The following VCAN variants were observed in gnomAD, a reference collection of about 807,000 sequenced individuals.
VCAN encodes the protein versican.
A neutral mutation model predicts 245.5 loss-of-function variants in VCAN; 44 were observed. The observed-to-expected ratio is 0.18, with a 90% CI of 0.14 to 0.23. VCAN has a LOEUF of 0.23. Among genes scored for constraint, VCAN ranks in the 10% least tolerant of loss-of-function variants. VCAN has a pLI of 1.00. For synonymous variants in VCAN, 1,413 were observed against 1,437.0 expected, an observed-to-expected ratio of 0.98 and a Z score of 0.38; for missense variants, 3,793 against 4,057.9, an observed-to-expected ratio of 0.93 and a Z score of 1.77.
In VCAN at chr5:83,539,547, A is replaced by C. The variant is rs1221194486; in HGVS notation, c.6544A>C (p.Thr2182Pro). The stretch of plus-strand genomic sequence containing the variant: ...AGACACTTCTTTAGTTAACATGTCT[A>C]CTCCAGATCCAGATGCAAATGGCTT... ...EEDTSLVNMS[T>P]PDPDANGLES... The change falls in exon 8 of 15, where the codon ACT becomes CCT. Residue 2182 changes from threonine (T) to proline (P), a missense_variant. Transcript: ENST00000265077. The C allele has an allele frequency of 1.2e-6, 2 of 1,613,912 alleles. No homozygotes were observed. Among genetic ancestry groups the C allele is most frequent in the Non-Finnish European group, 1.7e-6 (2 of 1,179,996 alleles).
chr5:83,543,235 A>G (rs1747072446), intron 8 of VCAN, among the ~76,000 whole-genome samples: 1 of 152,224 alleles, frequency 6.6e-6, no homozygotes, highest in Non-Finnish European at 1.5e-5. Flanking sequence ...GAGAATGTTA[A>G]GAAATCAGCT....
intron 1 of VCAN, among the ~76,000 whole-genome samples, chr5:83,481,324 G>A (rs1381297534): frequency 4.1e-5 from 6 of 147,354 alleles, no homozygotes; most frequent in South Asian, 2.1e-4. Context: ...TCCACCTCCC[G>A]GGTTCATGCC....
intron 5 of VCAN, among the ~76,000 whole-genome samples, chr5:83,506,033 G>A (rs1429777147): frequency 6.6e-6 from 1 of 152,198 alleles, no homozygotes; most frequent in Admixed American, 6.5e-5. Flanking sequence ...ACAGCACGGG[G>A]ACCCTGGGCC....
In VCAN at chr5:83,553,489, A is replaced by G. The variant is rs763005838; in HGVS notation, c.9619A>G (p.Ile3207Val). 64 of 1,614,008 alleles carry G rather than the reference A, an allele frequency of 4.0e-5. No individual in the cohort carries two copies. Among genetic ancestry groups the G allele is most frequent in the Non-Finnish European group, 5.3e-5 (62 of 1,179,986 alleles). ...CRLQGAHLTSILSHEEQMFVN... is the reference protein window; with the variant it reads ...CRLQGAHLTSVLSHEEQMFVN... Reference sequence around the variant, plus strand: ...TCTGCAGGGTGCCCATCTCACAAGCATCCTGTCTCACGAAGAACAAATGTT... The same window carrying G: ...TCTGCAGGGTGCCCATCTCACAAGCGTCCTGTCTCACGAAGAACAAATGTT... The change falls in exon 11 of 15, where the codon ATC becomes GTC. Residue 3207 changes from isoleucine (I) to valine (V), a missense_variant. This residue lies in a region of VCAN where 205 missense variants were observed against 321.1 expected (regional missense o/e 0.64). Coordinates refer to ENST00000265077, the MANE Select transcript of VCAN (RefSeq NM_004385.5).
rs1258499353 is a variant in VCAN at position 83,511,972 on chromosome 5, G to A, written c.749-131G>A. 3.6e-6 allele frequency: 4 copies of A among 1,111,898 alleles called. No homozygotes were observed. The African/African-American group carries it at 6.2e-5, about 17-fold the overall frequency. The allele number at this position is 1,111,898 out of a possible 1,614,324, so 68.9% of individuals were successfully genotyped here. A position where few individuals can be genotyped will look rare whatever the true frequency, so the allele number is the denominator to read the frequency against. ...TCACCATTATCTTTTCTGCTTTAAA[G>A]TATCAGAAGCTGCTACCTTGCCATG... On this transcript the variant is annotated intron_variant, in intron 5 of 14. Coordinates refer to ENST00000265077, the MANE Select transcript of VCAN (RefSeq NM_004385.5).
At position 83,521,757 on chromosome 5, in the gene VCAN, ACAT is replaced by A; in HGVS notation, c.3456_3458del (p.Ser1153del). The A allele has an allele frequency of 6.2e-7, 1 of 1,614,194 alleles. No individual in the cohort carries two copies. The highest frequency in any genetic ancestry group is 8.5e-7 in the Non-Finnish European group (1 of 1,180,020). On this transcript the variant is annotated inframe_deletion, in exon 7 of 15. Coordinates refer to ENST00000265077, the MANE Select transcript of VCAN (RefSeq NM_004385.5). ...AGAAGGTAGTAGTACAACAGGATTT[ACAT>A]CATCTTTGAGTCCTTTTAGTACCCA...
rs146560021 is a variant in VCAN at position 83,522,019 on chromosome 5, G to C, written c.3713G>C (p.Arg1238Thr). The change falls in exon 7 of 15, where the codon AGG (arginine) becomes ACG (threonine). Residue 1238 changes from arginine to threonine, a missense_variant. This residue lies in a region of VCAN where 3,182 missense variants were observed against 3,250.3 expected (regional missense o/e 0.98). Transcript: ENST00000265077. ...AITKKPPLIDREPGEETTSDM... is the reference protein window; with the variant it reads ...AITKKPPLIDTEPGEETTSDM... ...ACTAAGAAACCACCTCTCATCGACA[G>C]GGAACCTGGTGAAGAAACAACCAGT... 206 of 1,614,170 alleles carry C rather than the reference G, an allele frequency of 1.3e-4. 1 individual carries two copies. In the African/African-American group the frequency reaches 2.5e-3, roughly 19 times the overall value.
Position 83,541,490 on chromosome 5 carries a change from C to T in VCAN, c.8487C>T (p.Leu2829=). The change falls in exon 8 of 15, where the codon CTC becomes CTT. Residue 2829 remains leucine, a synonymous_variant. Coordinates refer to ENST00000265077, the MANE Select transcript of VCAN (RefSeq NM_004385.5). ...CTTCTCAGACACCATCATCTCCCCT[C>T]ACTATCTACTCAGGCAGTGAAGCCT... is the stretch of plus-strand genomic sequence containing the variant. ...KLSSQTPSSP[L]TIYSGSEASG... The T allele has an allele frequency of 6.2e-7, 1 of 1,614,082 alleles. No homozygotes were observed. The highest frequency in any genetic ancestry group is 8.5e-7 in the Non-Finnish European group (1 of 1,180,016).
At chr5:83,548,660 G>A (rs1017269895) in intron 10 of VCAN, among the ~76,000 whole-genome samples, 9 of 152,064 alleles carry the variant, frequency 5.9e-5, no homozygotes, top group Non-Finnish European at 1.0e-4. Flanking sequence ...TGCATTTTAC[G>A]GCCAACCTGA....
intron 12 of VCAN, among the ~76,000 whole-genome samples, chr5:83,571,140 G>A (rs1401928098): frequency 2.0e-5 from 3 of 152,144 alleles, no homozygotes; most frequent in African/African-American, 4.8e-5. Context: ...TGGTGGGAAA[G>A]TGATGCTCAA....
chr5:83,501,179 C>G (rs2112371530), intron 5 of VCAN, among the ~76,000 whole-genome samples: 1 of 152,236 alleles, frequency 6.6e-6, no homozygotes, highest in East Asian at 1.9e-4. Context: ...ATTTTGAGTG[C>G]TCTTTGTATA....
At chr5:83,507,006 A>T (rs1434453990) in intron 5 of VCAN, among the ~76,000 whole-genome samples, 3 of 152,124 alleles carry the variant, frequency 2.0e-5, no homozygotes, top group Non-Finnish European at 4.4e-5. Context: ...AACACATGGG[A>T]ATTTTGGGAG....
intron 5 of VCAN, 127 bp from the exon 6 acceptor site, chr5:83,511,976 C>G (rs1745675921): frequency 1.7e-6 from 2 of 1,172,402 alleles, no homozygotes; most frequent in South Asian, 2.8e-5. Context: ...TTTAAAGTAT[C>G]AGAAGCTGCT....
intron 7 of VCAN, chr5:83,536,254 G>T (rs1277920399): frequency 6.6e-6 from 1 of 152,110 alleles, no homozygotes; most frequent in Non-Finnish European, 1.5e-5. Flanking sequence ...GAAGGATAAA[G>T]GTCTATAGGT....
chr5:83,541,078 C>A lies in VCAN; in HGVS notation c.8075C>A (p.Ser2692Tyr), dbSNP rs533964625. 1.2e-6 allele frequency: 2 copies of A among 1,614,024 alleles called. No individual in the cohort carries two copies. Among genetic ancestry groups the A allele is most frequent in the Non-Finnish European group, 1.7e-6 (2 of 1,179,978 alleles). Residue 2692 changes from serine (S) to tyrosine (Y), a missense_variant, in exon 8 of 15, where the codon TCC becomes TAC. Physicochemically the swap from Ser to Tyr is moderately radical, Grantham distance 144. Transcript: ENST00000265077. ...ELDVLLPTAT[S>Y]LPIPRKSATV... ...GACGTTTTACTTCCCACGGCAACAT[C>A]CCTGCCAATTCCTCGTAAGTCTGCC... is the stretch of plus-strand genomic sequence containing the variant.
At chr5:83,567,364 G>A (rs1748120856) in intron 12 of VCAN, among the ~76,000 whole-genome samples, 1 of 152,036 alleles carries the variant, frequency 6.6e-6, no homozygotes, top group Non-Finnish European at 1.5e-5. Context: ...GCAATGGTGC[G>A]ATCTTGGCTC....
intron 5 of VCAN, among the ~76,000 whole-genome samples, chr5:83,499,914 A>C (rs979125934): frequency 6.6e-6 from 1 of 152,182 alleles, no homozygotes; most frequent in African/African-American, 2.4e-5. Flanking sequence ...GCTCCTTTAG[A>C]TATGAAAATC....
intron 12 of VCAN, among the ~76,000 whole-genome samples, chr5:83,561,853 C>T (rs1747878712): frequency 6.6e-6 from 1 of 152,206 alleles, no homozygotes; most frequent in East Asian, 1.9e-4. Context: ...GTTCTTATTC[C>T]CCTTCCTCTC....
rs759562583 is a variant in VCAN at position 83,537,592 on chromosome 5, G to C, written c.4589G>C (p.Gly1530Ala). The change falls in exon 8 of 15, where the codon GGT (glycine) becomes GCT (alanine). Residue 1530 changes from glycine to alanine, a missense_variant. Gly to Ala is a moderately conservative substitution (Grantham distance 60). Coordinates refer to ENST00000265077, the MANE Select transcript of VCAN (RefSeq NM_004385.5). Reference sequence around the variant, plus strand: ...GTCACAGAGAGAGATACTGAAGTTGGTCATCAGGCACATGAACATACTGAA... The same window carrying C: ...GTCACAGAGAGAGATACTGAAGTTGCTCATCAGGCACATGAACATACTGAA... ...ESVTERDTEVGHQAHEHTEPV... is the reference protein window; with the variant it reads ...ESVTERDTEVAHQAHEHTEPV... 3 of 1,613,804 alleles carry C rather than the reference G, an allele frequency of 1.9e-6. No individual in the cohort carries two copies. Among genetic ancestry groups the C allele is most frequent in the Non-Finnish European group, 2.5e-6 (3 of 1,179,910 alleles).
Sources: gnomAD v4.1 joint callset for allele counts (sites outside exome capture counted in the v4.1 genomes callset) on GRCh38, gnomAD v4.1.1 for gene constraint, gnomAD v4.1.1 regional missense constraint, MANE v1.5 for transcripts, NCBI Gene and HGNC (gene_info 2026-07-23, HGNC 2026-07-21) for gene names.